Variants in MFSD2B observed in about 807,000 individuals in gnomAD.
The protein encoded by MFSD2B is MFSD2 lysolipid transporter B, sphingolipid, also known as sphingosine-1-phosphate transporter MFSD2B.
A neutral mutation model predicts 58.4 loss-of-function variants in MFSD2B; 56 were observed. That is an observed-to-expected ratio of 0.96 (90% confidence interval 0.77 to 1.20). The LOEUF is 1.20. Among genes scored for constraint, MFSD2B ranks in the 50% most tolerant of loss-of-function variants. The pLI is 0.00. For missense variants in MFSD2B, 645 were observed against 667.6 expected, an observed-to-expected ratio of 0.97 and a Z score of 0.37; for synonymous variants, 287 against 294.4, an observed-to-expected ratio of 0.97 and a Z score of 0.26.
rs555119287 is a variant in MFSD2B, at chr2:24,021,194, G to A, written c.682-454G>A. Among the ~76,000 whole-genome samples, 193 of 152,264 alleles carry A rather than the reference G, an allele frequency of 1.3e-3. 1 individual carries two copies. Among genetic ancestry groups the A allele is most frequent in the African/African-American group, 4.4e-3 (181 of 41,566 alleles). On this transcript the variant is annotated intron_variant, in intron 6 of 13. Transcript: ENST00000338315. This position sits in a 1 kb window ranked among gnomAD's most constrained non-coding sequence, Gnocchi z 5.7. ...ATGACAGGCATGAGCCACCGCGCCC[G>A]GCCCTGCTTCCTCCATTAATCTGAG...
intron 2 of MFSD2B, among the ~76,000 whole-genome samples, chr2:24,014,690 T>C (rs554385542): frequency 2.0e-5 from 3 of 152,320 alleles, no homozygotes; most frequent in South Asian, 4.1e-4. Flanking sequence ...GATGGATATG[T>C]ATATATACAT....
At chr2:24,025,353 C>T (rs1662943825) in intron 13 of MFSD2B, 79 bp from the exon 14 acceptor site, 1 of 1,376,904 alleles carries the variant, frequency 7.3e-7, no homozygotes, top group South Asian at 1.2e-5. Flanking sequence ...AGCCACCAAA[C>T]CTTCCGCGGG....
chr2:24,014,799 G>A (rs79378403), intron 2 of MFSD2B, among the ~76,000 whole-genome samples: 1,694 of 152,222 alleles, frequency 0.011, 25 homozygotes, highest in South Asian at 0.048. Flanking sequence ...GATGGAGAAT[G>A]GAGGGTAAGT....
Position 24,020,167 on chromosome 2 carries a change from G to T in MFSD2B, c.682-1481G>T, listed in dbSNP as rs534069855. Among the ~76,000 whole-genome samples, 5 of 152,310 alleles carry T rather than the reference G, an allele frequency of 3.3e-5. No individual in the cohort carries two copies. In the South Asian group the frequency reaches 1.0e-3, roughly 32 times the overall value. ...TGTGTGGTCCTTGATGTGACACAAG[G>T]GTTGGGGAAGGGAAAGTATCAAGGA... On this transcript the variant is annotated intron_variant, in intron 6 of 13. Transcript: ENST00000338315. The surrounding 1 kb of genome is among the most constrained non-coding windows in gnomAD (Gnocchi z 4.1).
intron 1 of MFSD2B, among the ~76,000 whole-genome samples, chr2:24,011,964 A>G (rs753572082): frequency 7.2e-5 from 11 of 152,276 alleles, no homozygotes; most frequent in Non-Finnish European, 1.5e-4. Flanking sequence ...TGAGGCAGCA[A>G]CAGACTTGAT....
Position 24,023,398 on chromosome 2 carries a change from T to TGGCGGGGGGCC in MFSD2B, c.1169+163_1170-171dup. 1 of 848,264 alleles carries TGGCGGGGGGCC rather than the reference T, an allele frequency of 1.2e-6. No homozygotes were observed. The highest frequency in any genetic ancestry group is 1.8e-6 in the Non-Finnish European group (1 of 548,850). The allele number at this position is 848,264 out of a possible 1,614,324, so 52.5% of individuals were successfully genotyped here. ...CTGAGAGGACATCAGGCAGTAGGAATGGCGGGGGGCCGGCAGGGGGCTGGC... is the reference window on the plus strand; with the variant it reads ...CTGAGAGGACATCAGGCAGTAGGAATGGCGGGGGGCCGGCGGGGGGCCGGCAGGGGGCTGGC... On this transcript the variant is annotated intron_variant, in intron 11 of 13. Coordinates refer to ENST00000338315, the MANE Select transcript of MFSD2B (RefSeq NM_001346880.2). This position sits in a 1 kb window ranked among gnomAD's most constrained non-coding sequence, Gnocchi z 5.0.
rs1253019977 is a variant in MFSD2B, at chr2:24,023,008, C to T, written c.1059+106C>T. The T allele has an allele frequency of 1.5e-6, 2 of 1,357,672 alleles. No homozygotes were observed. The highest frequency in any genetic ancestry group is 4.6e-5 in the East Asian group (2 of 43,658). The allele number at this position is 1,357,672 out of a possible 1,614,324, so 84.1% of individuals were successfully genotyped here. On this transcript the variant is annotated intron_variant, in intron 10 of 13. Transcript: ENST00000338315. This position sits in a 1 kb window ranked among gnomAD's most constrained non-coding sequence, Gnocchi z 5.0. ...GGGCCAGCAGGGGTGGATCTGTGTT[C>T]CCTTGAGTCTTTAGGGCCTAGCACA...
rs1558322196 is a variant in MFSD2B, at chr2:24,017,047, G to C, written c.471+79G>C. 4 of 1,569,618 alleles carry C rather than the reference G, an allele frequency of 2.5e-6. No homozygotes were observed. The East Asian group carries it at 9.0e-5, about 35-fold the overall frequency. On this transcript the variant is annotated intron_variant, in intron 4 of 13. Coordinates refer to ENST00000338315, the MANE Select transcript of MFSD2B (RefSeq NM_001346880.2). This position sits in a 1 kb window ranked among gnomAD's most constrained non-coding sequence, Gnocchi z 4.8. ...TGGCCACTCTGAAGTGTGCTGTGGG[G>C]GCAGGGCTGCCGCCCTCCCCACCCG...
chr2:24,022,804 G>A lies in MFSD2B; in HGVS notation c.979-18G>A, dbSNP rs370719117. 397 of 1,545,166 alleles carry A rather than the reference G, an allele frequency of 2.6e-4. No individual in the cohort carries two copies. The highest frequency in any genetic ancestry group is 3.3e-4 in the Non-Finnish European group (381 of 1,147,570). Reference sequence around the variant, plus strand: ...GCTGGCAGCACGGCCCTGGCGTGACGATGCTGTCTGCTCACAGGTCTCAGC... The same window carrying A: ...GCTGGCAGCACGGCCCTGGCGTGACAATGCTGTCTGCTCACAGGTCTCAGC... On this transcript the variant is annotated intron_variant, in intron 9 of 13. Transcript: ENST00000338315. The surrounding 1 kb of genome is among the most constrained non-coding windows in gnomAD (Gnocchi z 4.5).
At chr2:24,018,687 G>C (rs529445207) in intron 6 of MFSD2B, 2 of 170,638 alleles carry the variant, frequency 1.2e-5, no homozygotes, top group African/African-American at 4.9e-5. Flanking sequence ...CCTATTTGCA[G>C]TTACTTGAAT....
intron 2 of MFSD2B, among the ~76,000 whole-genome samples, chr2:24,015,050 T>A (rs1573633964): frequency 6.6e-6 from 1 of 150,818 alleles, no homozygotes; most frequent in Admixed American, 6.6e-5. Context: ...ACCCAGGAGG[T>A]GGAGGTTGCA....
chr2:24,013,460 G>T (rs1709028146), intron 2 of MFSD2B, 50 bp downstream of exon 2: 1 of 1,516,482 alleles, frequency 6.6e-7, no homozygotes, highest in African/African-American at 1.4e-5. Flanking sequence ...CTTGGGGTCT[G>T]GTCCTTCCAC....
chr2:24,016,746 C>A, intron 3 of MFSD2B, 99 bp from the exon 4 acceptor site: 1 of 1,465,804 alleles, frequency 6.8e-7, no homozygotes, highest in Non-Finnish European at 9.2e-7. Flanking sequence ...CCTAGGGATT[C>A]TCAAGGGGCA....
At chr2:24,014,145 G>A (rs932285220) in intron 2 of MFSD2B, among the ~76,000 whole-genome samples, 2 of 152,060 alleles carry the variant, frequency 1.3e-5, no homozygotes, top group African/African-American at 4.8e-5. Context: ...CAGAGTAGCT[G>A]GGATTACAGG....
Position 24,010,150 on chromosome 2 carries a change from C to A in MFSD2B, c.54C>A (p.His18Gln), listed in dbSNP as rs747333283. ...AGGGGTCCCCGCAGCCGGAGCCGCACGCCCCAGAGCCCGGCCCGGGGAGCG... is the reference window on the plus strand; with the variant it reads ...AGGGGTCCCCGCAGCCGGAGCCGCAAGCCCCAGAGCCCGGCCCGGGGAGCG... Reference protein sequence around the residue: ...AAKGSPQPEPHAPEPGPGSAK... With the variant: ...AAKGSPQPEPQAPEPGPGSAK... Residue 18 changes from histidine to glutamine, a missense_variant, in exon 1 of 14, where the codon CAC becomes CAA. Coordinates refer to ENST00000338315, the MANE Select transcript of MFSD2B (RefSeq NM_001346880.2). The A allele has an allele frequency of 5.8e-4, 848 of 1,457,840 alleles. 1 individual carries two copies. The highest frequency in any genetic ancestry group is 7.1e-4 in the Non-Finnish European group (788 of 1,110,876). 90.3% of individuals were successfully genotyped at this position (1,457,840 alleles called of 1,614,324 possible). A position where few individuals can be genotyped will look rare whatever the true frequency, so the allele number is the denominator to read the frequency against.
In MFSD2B at chr2:24,022,308, C is replaced by G; in HGVS notation, c.895-125C>G. Reference sequence around the variant, plus strand: ...TAAGTGTCCTTTGTGGGGGAAGGGACTGTATGATGGTAGCAGCAAGCCAAG... The same window carrying G: ...TAAGTGTCCTTTGTGGGGGAAGGGAGTGTATGATGGTAGCAGCAAGCCAAG... On this transcript the variant is annotated intron_variant, in intron 8 of 13. Transcript: ENST00000338315. This position sits in a 1 kb window ranked among gnomAD's most constrained non-coding sequence, Gnocchi z 4.5. The G allele has an allele frequency of 1.3e-6, 1 of 785,798 alleles. No individual in the cohort carries two copies. Among genetic ancestry groups the G allele is most frequent in the Non-Finnish European group, 2.2e-6 (1 of 460,050 alleles). 48.7% of individuals were successfully genotyped at this position (785,798 alleles called of 1,614,324 possible).
Position 24,025,514 on chromosome 2 carries a change from C to A in MFSD2B, c.*58C>A, listed in dbSNP as rs1662950808. On this transcript the variant is annotated 3_prime_UTR_variant, in exon 14 of 14. Transcript: ENST00000338315. ...AGCCAGCACCCTCGGGGCCTGACAT[C>A]GCCCTCCTCAGCCCTCCAGCACCTG... 2.7e-6 allele frequency: 4 copies of A among 1,469,756 alleles called. No individual in the cohort carries two copies. In the East Asian group the frequency reaches 9.9e-5, roughly 36 times the overall value. 91.0% of individuals were successfully genotyped at this position (1,469,756 alleles called of 1,614,324 possible).
In MFSD2B at chr2:24,026,276, C is replaced by T. The variant is rs1303844750; in HGVS notation, c.*820C>T. Reference sequence around the variant, plus strand: ...TAAATATATAGAAATCCTAAATGGTCCCTGTGACATAAGAAATACACATTT... The same window carrying T: ...TAAATATATAGAAATCCTAAATGGTTCCTGTGACATAAGAAATACACATTT... On this transcript the variant is annotated 3_prime_UTR_variant, in exon 14 of 14. Transcript: ENST00000338315. 1 of 152,114 alleles carries T rather than the reference C, an allele frequency of 6.6e-6. No homozygotes were observed. Among genetic ancestry groups the T allele is most frequent in the Non-Finnish European group, 1.5e-5 (1 of 68,042 alleles). The allele number at this position is 152,114 out of a possible 1,614,324, so 9.4% of individuals were successfully genotyped here. A position where few individuals can be genotyped will look rare whatever the true frequency, so the allele number is the denominator to read the frequency against.
rs1573646114 is a variant in MFSD2B at position 24,023,514 on chromosome 2, T to C, written c.1170-69T>C. On this transcript the variant is annotated intron_variant, in intron 11 of 13. Transcript: ENST00000338315. The surrounding 1 kb of genome is among the most constrained non-coding windows in gnomAD (Gnocchi z 5.0). ...AGGGATGAATCCACTTTGGCCTCCGTCCCCAGAGAATTCACAGGCTGCTGG... is the reference window on the plus strand; with the variant it reads ...AGGGATGAATCCACTTTGGCCTCCGCCCCCAGAGAATTCACAGGCTGCTGG... 6.5e-6 allele frequency: 10 copies of C among 1,535,038 alleles called. No individual in the cohort carries two copies. Among genetic ancestry groups the C allele is most frequent in the Non-Finnish European group, 7.9e-6 (9 of 1,136,016 alleles).
Sources: gnomAD v4.1 joint callset for allele counts (sites outside exome capture counted in the v4.1 genomes callset) on GRCh38, gnomAD v4.1.1 for gene constraint, Gnocchi (gnomAD v3.1) non-coding constraint, MANE v1.5 for transcripts, NCBI Gene and HGNC (gene_info 2026-07-23, HGNC 2026-07-21) for gene names.